PANK1: variants seen among roughly 807,000 people sequenced by gnomAD.
The protein encoded by PANK1 is pantothenate kinase 1.
A neutral mutation model predicts 40.1 loss-of-function variants in PANK1; 18 were observed. The observed-to-expected ratio is 0.45, with a 90% CI of 0.31 to 0.67. The LOEUF (loss-of-function observed/expected upper bound fraction) is 0.67, where lower values mean the gene tolerates loss of function less well. PANK1 is among the 30% of genes least tolerant of loss of function. The pLI, the probability that PANK1 is intolerant of heterozygous loss-of-function variation, is 0.06. For missense variants in PANK1, 457 were observed against 599.6 expected (o/e 0.76, Z 2.48); for synonymous variants, 242 against 237.7 (o/e 1.02, Z -0.17).
rs567418148 is a variant in PANK1, at chr10:89,612,141, A to G, written c.293-93T>C. 2.1e-5 allele frequency: 21 copies of G among 983,662 alleles called. No individual in the cohort carries two copies. In the African/African-American group the frequency reaches 2.3e-4, roughly 11 times the overall value. 60.9% of individuals were successfully genotyped at this position (983,662 alleles called of 1,614,324 possible). A position where few individuals can be genotyped will look rare whatever the true frequency, so the allele number is the denominator to read the frequency against. The stretch of plus-strand genomic sequence containing the variant: ...TTAAATAAGCAAAAGCAGTGGTATC[A>G]TATCTACATGTGCATTTAACATTCA... On this transcript the variant is annotated intron_variant, in intron 1 of 6. Transcript: ENST00000307534.
chr10:89,607,185 C>T (rs770569281), intron 2 of PANK1, among the ~76,000 whole-genome samples: 10 of 152,104 alleles, frequency 6.6e-5, no homozygotes, highest in South Asian at 2.1e-4. Context: ...TGGGACTCTT[C>T]CTTTGACTTG....
chr10:89,607,536 A>AC (rs1413597565), intron 2 of PANK1, among the ~76,000 whole-genome samples: 1 of 152,252 alleles, frequency 6.6e-6, no homozygotes, highest in Non-Finnish European at 1.5e-5. Flanking sequence ...GTGCCAATAG[A>AC]CTTGCTCAAT....
rs776946509 is a variant in PANK1 at position 89,611,971 on chromosome 10, C to A, written c.370G>T (p.Glu124Ter). Reference sequence around the variant, plus strand: ...TTCTCCACTTCCTCTTGCTCCTCTTCGGCTGTAATATCCTTCGGCTCGAAA... The same window carrying A: ...TTCTCCACTTCCTCTTGCTCCTCTTAGGCTGTAATATCCTTCGGCTCGAAA... ...VYFEPKDITA[E>*]EEQEEVENLK... The change falls in exon 2 of 7, where the codon GAA becomes TAA. Residue 124 changes from glutamate (E) to a stop codon, truncating the protein, a stop_gained. Transcript: ENST00000307534. LOFTEE classifies it high-confidence loss of function. 2 of 1,614,152 alleles carry A rather than the reference C, an allele frequency of 1.2e-6. No homozygotes were observed. The highest frequency in any genetic ancestry group is 1.7e-6 in the Non-Finnish European group (2 of 1,180,030).
At chr10:89,596,263 C>T (rs79543414) in intron 3 of PANK1, among the ~76,000 whole-genome samples, 1 of 152,146 alleles carries the variant, frequency 6.6e-6, no homozygotes, top group East Asian at 1.9e-4. Flanking sequence ...ATCTGTCATC[C>T]CCATGAATAA....
At chr10:89,617,038 T>G (rs1008403633) in intron 1 of PANK1, among the ~76,000 whole-genome samples, 1 of 152,228 alleles carries the variant, frequency 6.6e-6, no homozygotes, top group African/African-American at 2.4e-5. Context: ...ATTACAGGCA[T>G]GAGACCCTCC....
intron 1 of PANK1, among the ~76,000 whole-genome samples, chr10:89,622,274 A>G (rs1338217371): frequency 6.6e-6 from 1 of 152,238 alleles, no homozygotes; most frequent in Admixed American, 6.5e-5. Flanking sequence ...ACATTACTCT[A>G]TGAAAAGAAA....
chr10:89,644,554 C>A, intron 1 of PANK1, 46 bp downstream of exon 1: 3 of 1,535,004 alleles, frequency 2.0e-6, no homozygotes, highest in East Asian at 2.4e-5. Context: ...GGGCCCCGCA[C>A]GCTGCGTCTG....
At chr10:89,619,397 G>T (rs569668672) in intron 1 of PANK1, among the ~76,000 whole-genome samples, 13 of 152,298 alleles carry the variant, frequency 8.5e-5, no homozygotes, top group African/African-American at 2.4e-4. Flanking sequence ...AAACTGAAAA[G>T]ATTTTCTATC....
At chr10:89,604,776 A>G (rs1166375004) in intron 2 of PANK1, among the ~76,000 whole-genome samples, 1 of 150,932 alleles carries the variant, frequency 6.6e-6, no homozygotes, top group African/African-American at 2.4e-5. Context: ...TTTGAGACAG[A>G]GTCTTTCTCT....
At chr10:89,640,026 G>A (rs1002422713) in intron 1 of PANK1, among the ~76,000 whole-genome samples, 6 of 152,186 alleles carry the variant, frequency 3.9e-5, no homozygotes, top group African/African-American at 1.4e-4. Context: ...AAAGCCAGTT[G>A]GCAAGGAAGA....
At chr10:89,596,337 G>T (rs750185759) in intron 3 of PANK1, among the ~76,000 whole-genome samples, 17 of 152,270 alleles carry the variant, frequency 1.1e-4, no homozygotes, top group Non-Finnish European at 2.1e-4. Context: ...CCAAAGGTAG[G>T]CAACTGAAGA....
intron 1 of PANK1, among the ~76,000 whole-genome samples, chr10:89,627,788 A>C (rs1290264542): frequency 1.3e-5 from 2 of 152,226 alleles, no homozygotes; most frequent in Non-Finnish European, 2.9e-5. Context: ...TAACTATCAC[A>C]AAGTCAAGTC....
chr10:89,586,471 G>A (rs1228614037), intron 6 of PANK1, among the ~76,000 whole-genome samples: 1 of 152,058 alleles, frequency 6.6e-6, no homozygotes, highest in Non-Finnish European at 1.5e-5. Flanking sequence ...TTAAAAACAA[G>A]AGCTTTCTTT....
intron 1 of PANK1, among the ~76,000 whole-genome samples, chr10:89,624,431 G>A (rs1186913907): frequency 6.6e-6 from 1 of 151,958 alleles, no homozygotes; most frequent in Non-Finnish European, 1.5e-5. Flanking sequence ...TGGAGGAAGG[G>A]GGCCCATGAA....
intron 1 of PANK1, among the ~76,000 whole-genome samples, chr10:89,635,032 T>C (rs1841761700): frequency 6.6e-6 from 1 of 152,148 alleles, no homozygotes; most frequent in South Asian, 2.1e-4. Context: ...GATGAGTTTG[T>C]GGAAATCCTG....
rs1351267549 is a variant in PANK1, at chr10:89,599,756, G to A, written c.646-251C>T. On this transcript the variant is annotated intron_variant, in intron 2 of 6. Transcript: ENST00000307534. ...GATTGTTTGAAATGCACCCATCAGC[G>A]TGTGTTGTGGGTTGAATGGTGGTCC... is the stretch of plus-strand genomic sequence containing the variant. 5.9e-5 allele frequency among the ~76,000 whole-genome samples: 9 copies of A among 152,292 alleles called. No individual in the cohort carries two copies. In the South Asian group the frequency reaches 1.9e-3, roughly 32 times the overall value.
Position 89,644,836 on chromosome 10 carries a change from G to C in PANK1, c.56C>G (p.Pro19Arg). Residue 19 changes from proline to arginine, a missense_variant, in exon 1 of 7, where the codon CCC becomes CGC. By Grantham distance (103) the Pro-to-Arg change is moderately radical. Around this residue, in one of 4 missense-constraint regions of PANK1, gnomAD observed 144 missense variants for 131.2 expected, o/e 1.10. Coordinates refer to ENST00000307534, the MANE Select transcript of PANK1 (RefSeq NM_148977.3). ...ERSVPHSPGAPVGTSAAAVNG... is the reference protein window; with the variant it reads ...ERSVPHSPGARVGTSAAAVNG... Reference sequence around the variant, plus strand: ...CACAGCGGCGGCGCTGGTGCCCACGGGGGCCCCTGGAGAGTGCGGGACCGA... The same window carrying C: ...CACAGCGGCGGCGCTGGTGCCCACGCGGGCCCCTGGAGAGTGCGGGACCGA... 2 of 1,459,712 alleles carry C rather than the reference G, an allele frequency of 1.4e-6. No individual in the cohort carries two copies. The highest frequency in any genetic ancestry group is 2.8e-5 in the South Asian group (2 of 70,302). 90.4% of individuals were successfully genotyped at this position (1,459,712 alleles called of 1,614,324 possible).
intron 1 of PANK1, 69 bp downstream of exon 1, chr10:89,644,531 C>A: frequency 7.1e-7 from 1 of 1,413,360 alleles, no homozygotes; most frequent in Middle Eastern, 2.5e-4. Context: ...CTGCCTCAGC[C>A]GCTCCCAGTC....
chr10:89,632,976 A>T (rs554706004), intron 1 of PANK1, among the ~76,000 whole-genome samples: 2 of 152,294 alleles, frequency 1.3e-5, no homozygotes, highest in South Asian at 4.1e-4. Flanking sequence ...TCTACCTCAA[A>T]TGCATCAATA....
Sources: gnomAD v4.1 joint callset for allele counts (sites outside exome capture counted in the v4.1 genomes callset) on GRCh38, gnomAD v4.1.1 for gene constraint, gnomAD v4.1.1 regional missense constraint, MANE v1.5 for transcripts, NCBI Gene and HGNC (gene_info 2026-07-23, HGNC 2026-07-21) for gene names.